The following STXBP5L variants were observed in gnomAD, a reference collection of about 807,000 sequenced individuals.
STXBP5L encodes syntaxin binding protein 5L, also known as syntaxin-binding protein 5-like.
Under a neutral mutation model 144.5 loss-of-function variants are expected in STXBP5L, and 65 were observed. The observed-to-expected ratio is 0.45, with a 90% CI of 0.37 to 0.55. STXBP5L has a LOEUF of 0.55. Among genes scored for constraint, STXBP5L ranks in the 20% least tolerant of loss-of-function variants. STXBP5L has a pLI of 0.00. For synonymous variants in STXBP5L, 505 were observed against 469.6 expected (o/e 1.08, Z -0.97); for missense variants, 1,298 against 1,405.5 (o/e 0.92, Z 1.22).
intron 20 of STXBP5L, among the ~76,000 whole-genome samples, chr3:121,345,238 C>CTA: frequency 6.6e-6 from 1 of 152,084 alleles, no homozygotes; most frequent in South Asian, 2.1e-4. Flanking sequence ...CAGTTCCCAC[C>CTA]TATGAGTGAG....
At chr3:121,054,789 A>G (rs747480637) in intron 5 of STXBP5L, among the ~76,000 whole-genome samples, 1 of 109,090 alleles carries the variant, frequency 9.2e-6, no homozygotes, top group Non-Finnish European at 1.9e-5. Flanking sequence ...TTTCTTTACC[A>G]GTAAAATATT....
intron 20 of STXBP5L, among the ~76,000 whole-genome samples, chr3:121,370,406 G>T (rs1036180420): frequency 6.6e-6 from 1 of 152,132 alleles, no homozygotes; most frequent in Non-Finnish European, 1.5e-5. Flanking sequence ...CCTCCTATGT[G>T]AAGATGTGAC....
intron 3 of STXBP5L, among the ~76,000 whole-genome samples, chr3:121,021,496 A>C (rs913042148): frequency 1.3e-5 from 2 of 152,192 alleles, no homozygotes; most frequent in Non-Finnish European, 2.9e-5. Flanking sequence ...AACATTCTCC[A>C]AGAAAGACCA....
chr3:121,167,534 C>A (rs1333436102), intron 9 of STXBP5L, among the ~76,000 whole-genome samples: 1 of 152,070 alleles, frequency 6.6e-6, no homozygotes, highest in Admixed American at 6.5e-5. Context: ...AGGCTGTTTT[C>A]CCCTCAGAGT....
chr3:120,921,533 C>CA (rs1288628313), intron 2 of STXBP5L, among the ~76,000 whole-genome samples: 1 of 151,706 alleles, frequency 6.6e-6, no homozygotes, highest in Admixed American at 6.6e-5. Context: ...TGAGGTCTTA[C>CA]AAAAAAATCA....
chr3:121,097,229 C>T (rs1486872712), intron 5 of STXBP5L, among the ~76,000 whole-genome samples: 2 of 152,310 alleles, frequency 1.3e-5, no homozygotes, highest in Non-Finnish European at 2.9e-5. Context: ...GTTGTGTTGG[C>T]AGTGAGAATT....
intron 20 of STXBP5L, among the ~76,000 whole-genome samples, chr3:121,359,248 G>A (rs377344442): frequency 2.6e-4 from 39 of 152,022 alleles, no homozygotes; most frequent in African/African-American, 9.2e-4. Context: ...CCATTTGTAC[G>A]TGATGTTTTA....
At chr3:121,093,210 C>G (rs916567196) in intron 5 of STXBP5L, among the ~76,000 whole-genome samples, 1 of 152,200 alleles carries the variant, frequency 6.6e-6, no homozygotes, top group Admixed American at 6.5e-5. Flanking sequence ...CAATGTTCAT[C>G]AAGGACATTG....
At chr3:121,124,576 A>C (rs531520883) in intron 7 of STXBP5L, among the ~76,000 whole-genome samples, 2 of 152,208 alleles carry the variant, frequency 1.3e-5, no homozygotes, top group Admixed American at 6.5e-5. Context: ...TTCTTAAAGA[A>C]GTTTCATAAC....
intron 5 of STXBP5L, among the ~76,000 whole-genome samples, chr3:121,110,534 TA>T (rs2107811231): frequency 6.6e-6 from 1 of 152,310 alleles, no homozygotes; most frequent in South Asian, 2.1e-4. Flanking sequence ...TTCTTTGCTT[TA>T]AAATTGTTAA....
chr3:120,990,423 C>G (rs1027432162), intron 3 of STXBP5L, among the ~76,000 whole-genome samples: 1 of 152,132 alleles, frequency 6.6e-6, no homozygotes. Context: ...CATCAAGCTA[C>G]CAATGACTTT....
chr3:120,968,473 T>G (rs549070367), intron 3 of STXBP5L, among the ~76,000 whole-genome samples: 1 of 152,302 alleles, frequency 6.6e-6, no homozygotes, highest in South Asian at 2.1e-4. Flanking sequence ...ATCCCTTCAC[T>G]TTCAGTTTGT....
At chr3:121,359,889 G>A (rs1356118575) in intron 20 of STXBP5L, among the ~76,000 whole-genome samples, 1 of 145,268 alleles carries the variant, frequency 6.9e-6, no homozygotes, top group East Asian at 2.0e-4. Context: ...ATAATTTGAA[G>A]TCTGGTAATG....
chr3:121,160,233 G>T (rs149624307), intron 9 of STXBP5L, among the ~76,000 whole-genome samples: 3 of 152,200 alleles, frequency 2.0e-5, no homozygotes, highest in African/African-American at 4.8e-5. Flanking sequence ...TTATAGAAGT[G>T]CACGCTTCTC....
At chr3:120,977,331 G>T (rs1216751629) in intron 3 of STXBP5L, among the ~76,000 whole-genome samples, 2 of 152,060 alleles carry the variant, frequency 1.3e-5, no homozygotes, top group Non-Finnish European at 2.9e-5. Context: ...ATCTTTGTTG[G>T]TTTAAAGTCT....
rs80011431 is a variant in STXBP5L at position 120,950,203 on chromosome 3, T to G, written c.190-4737T>G. On this transcript the variant is annotated intron_variant, in intron 2 of 26. Coordinates refer to ENST00000471454, the MANE Select transcript of STXBP5L (RefSeq NM_001308330.2). ...TTTGAGTTAATTTTTGTGTATGTTATAAGTAAGGGATTTAACTTGATTCTT... is the reference window on the plus strand; with the variant it reads ...TTTGAGTTAATTTTTGTGTATGTTAGAAGTAAGGGATTTAACTTGATTCTT... 7.8e-4 allele frequency among the ~76,000 whole-genome samples: 118 copies of G among 152,164 alleles called. 1 individual carries two copies. In the East Asian group the frequency reaches 0.022, roughly 29 times the overall value.
intron 17 of STXBP5L, 56 bp downstream of exon 17, chr3:121,257,389 A>C: frequency 7.0e-7 from 1 of 1,431,444 alleles, no homozygotes; most frequent in Admixed American, 2.0e-5. Context: ...TATGTCTTTG[A>C]AACTGTGACA....
intron 5 of STXBP5L, among the ~76,000 whole-genome samples, chr3:121,077,622 T>C (rs1176383241): frequency 2.0e-5 from 3 of 152,112 alleles, no homozygotes; most frequent in African/African-American, 7.2e-5. Flanking sequence ...CTGCTTTTAT[T>C]CTCTTAACTG....
intron 7 of STXBP5L, among the ~76,000 whole-genome samples, chr3:121,151,976 C>G (rs576478896): frequency 6.6e-6 from 1 of 151,594 alleles, no homozygotes; most frequent in African/African-American, 2.4e-5. Context: ...TTTTTAATGA[C>G]GTGAATCTCT....
Sources: allele counts gnomAD v4.1 joint callset (sites outside exome capture counted in the v4.1 genomes callset), GRCh38; gene constraint gnomAD v4.1.1; transcripts MANE v1.5; gene names NCBI Gene and HGNC (gene_info 2026-07-23, HGNC 2026-07-21).